Variants in MAP3K13 observed in about 807,000 individuals in gnomAD.
The protein encoded by MAP3K13 is mitogen-activated protein kinase kinase kinase 13, also known as leucine zipper-bearing kinase.
In MAP3K13, 52 loss-of-function variants were observed where a neutral mutation model predicts 104.0. The observed-to-expected ratio is 0.50, with a 90% confidence interval of 0.40 to 0.63. MAP3K13 has a LOEUF of 0.63. MAP3K13 is among the 20% of genes least tolerant of loss of function. The pLI, the probability that MAP3K13 is intolerant of heterozygous loss-of-function variation, is 0.00. For synonymous variants in MAP3K13, 394 were observed against 442.2 expected (o/e 0.89, Z 1.37); for missense variants, 914 against 1,218.5 (o/e 0.75, Z 3.72).
rs527967991 is a variant in MAP3K13, at chr3:185,322,873, G to T, written c.-86+37230G>T. Among the ~76,000 whole-genome samples the T allele has an allele frequency of 7.2e-5, 11 of 152,008 alleles. No homozygotes were observed. In the South Asian group the frequency reaches 2.3e-3, roughly 32 times the overall value. On this transcript the variant is annotated intron_variant, in intron 2 of 14. Transcript: ENST00000424227. The stretch of plus-strand genomic sequence containing the variant: ...TTCTTTTGAAATACATTTTATATTT[G>T]ATTATTTTCACTGTAATTTCATTAT...
intron 1 of MAP3K13, among the ~76,000 whole-genome samples, chr3:185,363,611 T>C (rs954153531): frequency 2.0e-5 from 3 of 152,242 alleles, no homozygotes; most frequent in African/African-American, 7.2e-5. Flanking sequence ...TTTACGGTTC[T>C]GCACGTTACC....
At chr3:185,416,324 T>C (rs775323118) in intron 1 of MAP3K13, among the ~76,000 whole-genome samples, 1 of 152,122 alleles carries the variant, frequency 6.6e-6, no homozygotes, top group South Asian at 2.1e-4. Flanking sequence ...TATTGACATA[T>C]ATCTGTTTAT....
intron 2 of MAP3K13, among the ~76,000 whole-genome samples, chr3:185,309,241 C>G (rs1721410499): frequency 6.6e-6 from 1 of 152,142 alleles, no homozygotes; most frequent in Admixed American, 6.5e-5. Flanking sequence ...TGGATGCTCA[C>G]TCTGTGATCC....
intron 2 of MAP3K13, among the ~76,000 whole-genome samples, chr3:185,289,319 G>A (rs1438893301): frequency 6.6e-6 from 1 of 152,044 alleles, no homozygotes; most frequent in Non-Finnish European, 1.5e-5. Flanking sequence ...TTATTCCGGA[G>A]GCCTCTTTCA....
At chr3:185,346,455 A>G (rs930464536) in intron 2 of MAP3K13, among the ~76,000 whole-genome samples, 8 of 152,160 alleles carry the variant, frequency 5.3e-5, no homozygotes, top group Non-Finnish European at 1.2e-4. Flanking sequence ...ACACTTTGTC[A>G]TGAATATTTT....
At chr3:185,299,865 C>CCT (rs1440546099) in intron 2 of MAP3K13, among the ~76,000 whole-genome samples, 1 of 9,082 alleles carries the variant, frequency 1.1e-4, no homozygotes, top group Non-Finnish European at 5.4e-4. Flanking sequence ...CGCGCCCGGC[C>CCT]CTCTCTCTCT....
At chr3:185,455,862 T>G (rs191679857) in intron 7 of MAP3K13, among the ~76,000 whole-genome samples, 935 of 67,376 alleles carry the variant, frequency 0.014, 36 homozygotes, top group African/African-American at 0.025. Context: ...ATGAGATATA[T>G]ATGAGATATA....
intron 1 of MAP3K13, among the ~76,000 whole-genome samples, chr3:185,406,139 G>A (rs1344399873): frequency 6.6e-6 from 1 of 152,134 alleles, no homozygotes; most frequent in African/African-American, 2.4e-5. Flanking sequence ...TAAAAGGATT[G>A]GAAGGTCCCA....
chr3:185,318,535 AT>A (rs1288621261), intron 2 of MAP3K13, among the ~76,000 whole-genome samples: 3 of 152,242 alleles, frequency 2.0e-5, no homozygotes, highest in Non-Finnish European at 4.4e-5. Context: ...TTCATATTTC[AT>A]TTAATGTTAA....
chr3:185,365,376 C>G (rs186032432), intron 1 of MAP3K13, among the ~76,000 whole-genome samples: 2 of 152,246 alleles, frequency 1.3e-5, no homozygotes, highest in African/African-American at 4.8e-5. Flanking sequence ...TAAACAAAGT[C>G]AGTCAAACCA....
Position 185,428,607 on chromosome 3 carries a change from G to A in MAP3K13, c.26G>A (p.Ser9Asn), listed in dbSNP as rs746966556. The change falls in exon 2 of 14, where the codon AGC (serine) becomes AAC (asparagine). Residue 9 changes from serine (S) to asparagine (N), a missense_variant. By Grantham distance (46) the Ser-to-Asn change is conservative. Transcript: ENST00000265026. ...ATGGCCAACTTTCAGGAGCACCTGA[G>A]CTGCTCCTCTTCTCCACACTTACCC... MANFQEHL[S>N]CSSSPHLPFS... The A allele has an allele frequency of 1.2e-6, 2 of 1,604,562 alleles. No homozygotes were observed. The highest frequency in any genetic ancestry group is 2.7e-5 in the African/African-American group (2 of 74,716).
intron 2 of MAP3K13, among the ~76,000 whole-genome samples, chr3:185,333,984 G>T (rs1722378695): frequency 1.3e-5 from 2 of 152,180 alleles, no homozygotes; most frequent in Admixed American, 1.3e-4. Context: ...AGCCCAGGAG[G>T]TGGAGGTTGT....
At chr3:185,354,503 TAGGGA>T (rs1301036265) in intron 2 of MAP3K13, among the ~76,000 whole-genome samples, 1 of 149,636 alleles carries the variant, frequency 6.7e-6, no homozygotes, top group Non-Finnish European at 1.5e-5. Context: ...TCCTGTCCCT[TAGGGA>T]AACATCTAAG....
At chr3:185,321,405 G>A (rs1721862924) in intron 2 of MAP3K13, among the ~76,000 whole-genome samples, 1 of 152,148 alleles carries the variant, frequency 6.6e-6, no homozygotes, top group South Asian at 2.1e-4. Flanking sequence ...TTCACTCTCA[G>A]CATGTAGCTA....
At chr3:185,442,330 AAAG>A (rs1354245799) in intron 3 of MAP3K13, among the ~76,000 whole-genome samples, 2 of 151,984 alleles carry the variant, frequency 1.3e-5, no homozygotes, top group African/African-American at 4.8e-5. Flanking sequence ...TGAAAAAAAA[AAAG>A]AAATGTTTTT....
At chr3:185,443,351 G>T in intron 3 of MAP3K13, 94 bp from the exon 4 acceptor site, 2 of 779,146 alleles carry the variant, frequency 2.6e-6, no homozygotes, top group South Asian at 5.4e-5. Flanking sequence ...AAAATAATTC[G>T]GGTATAGAAT....
At chr3:185,478,422 A>G (rs1475627610) in intron 12 of MAP3K13, among the ~76,000 whole-genome samples, 1 of 152,182 alleles carries the variant, frequency 6.6e-6, no homozygotes, top group Non-Finnish European at 1.5e-5. Context: ...TTGATAAGTT[A>G]TATCCTGGAT....
chr3:185,341,815 A>G (rs1036365687), intron 2 of MAP3K13, among the ~76,000 whole-genome samples: 2 of 152,230 alleles, frequency 1.3e-5, no homozygotes, highest in African/African-American at 4.8e-5. Flanking sequence ...GGAACACGCC[A>G]TGCCTATTTA....
At chr3:185,348,923 A>ACAAG (rs1259689872) in intron 2 of MAP3K13, among the ~76,000 whole-genome samples, 2 of 149,314 alleles carry the variant, frequency 1.3e-5, no homozygotes, top group Admixed American at 6.7e-5. Flanking sequence ...CTCAAAACAA[A>ACAAG]CAAACAAATA....
Sources: gnomAD v4.1 joint callset for allele counts (sites outside exome capture counted in the v4.1 genomes callset) on GRCh38, gnomAD v4.1.1 for gene constraint, MANE v1.5 for transcripts, NCBI Gene and HGNC (gene_info 2026-07-23, HGNC 2026-07-21) for gene names.